The following ROBO2 variants were observed in gnomAD, a reference collection of about 807,000 sequenced individuals.
ROBO2 encodes the protein roundabout guidance receptor 2, also known as roundabout homolog 2.
In ROBO2, 53 loss-of-function variants were observed where a neutral mutation model predicts 160.8. The ratio of observed to expected loss-of-function variants is 0.33; its 90% CI spans 0.26 to 0.41. The LOEUF (loss-of-function observed/expected upper bound fraction) is 0.41. ROBO2 is among the 10% of genes least tolerant of loss of function. The pLI is 1.00. For synonymous variants in ROBO2, 664 were observed against 611.7 expected, an observed-to-expected ratio of 1.09 and a Z score of -1.26; for missense variants, 1,577 against 1,722.4, an observed-to-expected ratio of 0.92 and a Z score of 1.49.
intron 2 of ROBO2, among the ~76,000 whole-genome samples, chr3:76,863,706 T>C (rs2071064933): frequency 6.6e-6 from 1 of 152,026 alleles, no homozygotes; most frequent in African/African-American, 2.4e-5. Context: ...TAATAAATGT[T>C]TACTGAATTG....
chr3:76,868,735 A>T, intron 2 of ROBO2, among the ~76,000 whole-genome samples: 1 of 152,158 alleles, frequency 6.6e-6, no homozygotes, highest in East Asian at 1.9e-4. Context: ...GTGCTTATGA[A>T]ACATCTAAAA....
At chr3:76,793,684 G>A (rs2063510246) in intron 2 of ROBO2, among the ~76,000 whole-genome samples, 1 of 151,622 alleles carries the variant, frequency 6.6e-6, no homozygotes, top group Admixed American at 6.6e-5. Flanking sequence ...GTGCCATGGT[G>A]GTGTACTGCA....
intron 2 of ROBO2, among the ~76,000 whole-genome samples, chr3:76,311,966 A>C (rs1198175933): frequency 6.6e-6 from 1 of 152,226 alleles, no homozygotes; most frequent in African/African-American, 2.4e-5. Context: ...GTGTTGTAAT[A>C]CATTTTCTTC....
chr3:76,047,707 G>C (rs928000126), intron 2 of ROBO2, among the ~76,000 whole-genome samples: 3 of 152,206 alleles, frequency 2.0e-5, no homozygotes, highest in African/African-American at 7.2e-5. Flanking sequence ...CTTGAGACCA[G>C]AGACAATATG....
chr3:75,921,640 T>C (rs558230237), intron 1 of ROBO2, among the ~76,000 whole-genome samples: 1 of 152,150 alleles, frequency 6.6e-6, no homozygotes, highest in East Asian at 1.9e-4. Flanking sequence ...GGTGTGTGTG[T>C]TTCTATGCAG....
chr3:76,343,059 C>G (rs2074325289), intron 2 of ROBO2, among the ~76,000 whole-genome samples: 1 of 151,898 alleles, frequency 6.6e-6, no homozygotes. Flanking sequence ...ACACATAGGT[C>G]TTTCTCGGTA....
chr3:77,366,128 T>C (rs1332334393), intron 2 of ROBO2, among the ~76,000 whole-genome samples: 1 of 152,148 alleles, frequency 6.6e-6, no homozygotes, highest in Non-Finnish European at 1.5e-5. Context: ...GAAGTACATG[T>C]TACATTAAAT....
intron 2 of ROBO2, among the ~76,000 whole-genome samples, chr3:76,651,409 AAGGACT>A (rs1029231123): frequency 5.3e-5 from 8 of 152,164 alleles, no homozygotes; most frequent in African/African-American, 1.9e-4. Context: ...TCACAAGTGC[AAGGACT>A]CTGTCTTATA....
chr3:76,863,487 A>AT (rs2071037041), intron 2 of ROBO2, among the ~76,000 whole-genome samples: 2 of 151,262 alleles, frequency 1.3e-5, no homozygotes, highest in Non-Finnish European at 1.5e-5. Flanking sequence ...GCAGAAAAAA[A>AT]CCAAATCATT....
chr3:77,212,671 T>C (rs2084342329), intron 2 of ROBO2, among the ~76,000 whole-genome samples: 1 of 152,200 alleles, frequency 6.6e-6, no homozygotes, highest in Admixed American at 6.5e-5. Context: ...AAGGGAATGC[T>C]TCCAGTTTTT....
intron 6 of ROBO2, among the ~76,000 whole-genome samples, chr3:77,530,018 T>G (rs1582739806): frequency 6.6e-6 from 1 of 151,882 alleles, no homozygotes; most frequent in East Asian, 1.9e-4. Flanking sequence ...ATAAGCCAAG[T>G]AAAATAATGA....
chr3:77,573,286 A>G (rs2093682018), intron 13 of ROBO2, among the ~76,000 whole-genome samples: 1 of 152,042 alleles, frequency 6.6e-6, no homozygotes, highest in South Asian at 2.1e-4. Context: ...AAATGAAACA[A>G]CCATAAAACC....
At chr3:76,348,126 A>G (rs565893610) in intron 2 of ROBO2, among the ~76,000 whole-genome samples, 55 of 142,766 alleles carry the variant, frequency 3.9e-4, no homozygotes, top group African/African-American at 1.5e-3. Flanking sequence ...GTCCGCCATC[A>G]TTCCACTGTC....
intron 2 of ROBO2, among the ~76,000 whole-genome samples, chr3:77,013,323 T>C (rs965150992): frequency 6.6e-6 from 1 of 152,142 alleles, no homozygotes; most frequent in African/African-American, 2.4e-5. Flanking sequence ...TTAACTAAAT[T>C]ATATTTTCCC....
intron 2 of ROBO2, among the ~76,000 whole-genome samples, chr3:76,428,873 G>A (rs1053732961): frequency 2.0e-5 from 3 of 152,106 alleles, no homozygotes; most frequent in African/African-American, 4.8e-5. Flanking sequence ...TCATCTTCAC[G>A]GTCGTGGGAC....
chr3:77,588,686 C>A, intron 16 of ROBO2, 65 bp from the exon 18 acceptor site: 1 of 1,452,642 alleles, frequency 6.9e-7, no homozygotes, highest in Non-Finnish European at 9.5e-7. Flanking sequence ...TTTTGATGCA[C>A]CATGTTTATA....
intron 2 of ROBO2, among the ~76,000 whole-genome samples, chr3:76,342,022 C>T (rs534755647): frequency 6.6e-6 from 1 of 152,236 alleles, no homozygotes; most frequent in African/African-American, 2.4e-5. Context: ...AAATATTCCA[C>T]AATGTTATGA....
At chr3:76,637,956 A>G (rs963528514) in intron 2 of ROBO2, among the ~76,000 whole-genome samples, 1 of 152,218 alleles carries the variant, frequency 6.6e-6, no homozygotes, top group Non-Finnish European at 1.5e-5. Context: ...ATTGTAAAAA[A>G]TTTAATTCAG....
At chr3:77,312,345 C>T (rs1413857339) in intron 2 of ROBO2, among the ~76,000 whole-genome samples, 1 of 152,078 alleles carries the variant, frequency 6.6e-6, no homozygotes, top group Non-Finnish European at 1.5e-5. Flanking sequence ...TCATATCATT[C>T]ATATATTGTT....
Sources: allele counts gnomAD v4.1 joint callset (sites outside exome capture counted in the v4.1 genomes callset), GRCh38; gene constraint gnomAD v4.1.1; transcripts MANE v1.5; gene names NCBI Gene and HGNC (gene_info 2026-07-23, HGNC 2026-07-21).